Variants in NRXN1 observed in about 807,000 individuals in gnomAD.
The protein encoded by NRXN1 is neurexin-1.
A neutral mutation model predicts 150.9 loss-of-function variants in NRXN1; 39 were observed. The ratio of observed to expected loss-of-function variants is 0.26; its 90% confidence interval spans 0.20 to 0.34. The LOEUF (loss-of-function observed/expected upper bound fraction) is 0.34, where lower values mean the gene tolerates loss of function less well. NRXN1 is among the 10% of genes least tolerant of loss of function. NRXN1 has a pLI of 1.00. For missense variants in NRXN1, 1,815 were observed against 1,949.9 expected (o/e 0.93, Z 1.30); for synonymous variants, 924 against 757.0 (o/e 1.22, Z -3.62).
chr2:49,965,915 A>G (rs1011723600), intron 21 of NRXN1, among the ~76,000 whole-genome samples: 5 of 152,220 alleles, frequency 3.3e-5, no homozygotes, highest in Non-Finnish European at 5.9e-5. Context: ...ATTGATATAA[A>G]GCCTAAAAAT....
chr2:50,098,491 G>A lies in NRXN1; in HGVS notation c.3547-6997C>T, dbSNP rs1700536559. Reference sequence around the variant, plus strand: ...CAACTCCCAGGGACATAGAAGTTATGTTCTGTCTACCTTCTATCTCTCCTT... The same window carrying A: ...CAACTCCCAGGGACATAGAAGTTATATTCTGTCTACCTTCTATCTCTCCTT... On this transcript the variant is annotated intron_variant, in intron 18 of 22. Transcript: ENST00000401669. Among the ~76,000 whole-genome samples, 3 of 152,132 alleles carry A rather than the reference G, an allele frequency of 2.0e-5. No homozygotes were observed. In the South Asian group the frequency reaches 6.2e-4, roughly 31 times the overall value.
chr2:50,345,603 T>C (rs2077890657), intron 17 of NRXN1, among the ~76,000 whole-genome samples: 1 of 152,290 alleles, frequency 6.6e-6, no homozygotes, highest in Non-Finnish European at 1.5e-5. Context: ...CAAAAACAGA[T>C]TGATGTTTTA....
At chr2:49,974,559 T>G (rs1312446767) in intron 21 of NRXN1, among the ~76,000 whole-genome samples, 1 of 152,202 alleles carries the variant, frequency 6.6e-6, no homozygotes, top group Non-Finnish European at 1.5e-5. Context: ...TACCTAATAT[T>G]AAATTAGAAG....
chr2:50,390,173 C>A (rs1358956773), intron 17 of NRXN1, among the ~76,000 whole-genome samples: 2 of 152,084 alleles, frequency 1.3e-5, no homozygotes, highest in African/African-American at 4.8e-5. Flanking sequence ...ATAGAAATTT[C>A]ATGTAAGCTA....
chr2:51,018,773 CTT>C (rs1669131714), intron 2 of NRXN1, among the ~76,000 whole-genome samples: 1 of 152,006 alleles, frequency 6.6e-6, no homozygotes, highest in Non-Finnish European at 1.5e-5. Context: ...GAGATGAAAA[CTT>C]TGTGTTGCTT....
At chr2:50,278,398 C>A (rs1163893195) in intron 17 of NRXN1, among the ~76,000 whole-genome samples, 2 of 146,754 alleles carry the variant, frequency 1.4e-5, no homozygotes, top group African/African-American at 5.1e-5. Flanking sequence ...GTGCTCCGCC[C>A]CCCTTGGCCT....
chr2:50,252,256 T>TTG (rs2067190516), intron 17 of NRXN1, among the ~76,000 whole-genome samples: 1 of 116,362 alleles, frequency 8.6e-6, no homozygotes, highest in Non-Finnish European at 1.7e-5. Context: ...CTTTTTTCTT[T>TTG]TCTTTTTTTT....
intron 21 of NRXN1, among the ~76,000 whole-genome samples, chr2:50,004,152 T>C (rs10185922): frequency 0.37 from 55,496 of 151,904 alleles, 10,608 homozygotes; most frequent in East Asian, 0.48. Context: ...AGTTAGATCA[T>C]AGTGAAAGTC....
At chr2:50,935,693 C>G (rs1558449657) in intron 2 of NRXN1, among the ~76,000 whole-genome samples, 1 of 151,888 alleles carries the variant, frequency 6.6e-6, no homozygotes, top group Non-Finnish European at 1.5e-5. Context: ...CACCACTGCA[C>G]TCCAGCCTAG....
In NRXN1 at chr2:50,400,260, T is replaced by G. The variant is rs1434370405; in HGVS notation, c.3364+65182A>C. 3.3e-5 allele frequency among the ~76,000 whole-genome samples: 5 copies of G among 152,138 alleles called. No individual in the cohort carries two copies. The East Asian group carries it at 9.7e-4, about 29-fold the overall frequency. The stretch of plus-strand genomic sequence containing the variant: ...GACATATTTCCCATATTCCAATATG[T>G]GTAAGATTTTCCACATTACTGAAAT... On this transcript the variant is annotated intron_variant, in intron 17 of 22. Coordinates refer to ENST00000401669, the MANE Select transcript of NRXN1 (RefSeq NM_001330078.2).
rs1307406152 is a variant in NRXN1, at chr2:49,921,216, T to G, written c.*728A>C. ...TATATAAACATATGTAATAACATAA[T>G]AAGCGTGCATGAAAATTTCCCAATG... On this transcript the variant is annotated 3_prime_UTR_variant, in exon 23 of 23. Coordinates refer to ENST00000401669, the MANE Select transcript of NRXN1 (RefSeq NM_001330078.2). 1 of 152,638 alleles carries G rather than the reference T, an allele frequency of 6.6e-6. No individual in the cohort carries two copies. Among genetic ancestry groups the G allele is most frequent in the East Asian group, 1.9e-4 (1 of 5,184 alleles). The allele number at this position is 152,638 out of a possible 1,614,324, so 9.5% of individuals were successfully genotyped here. A position where few individuals can be genotyped will look rare whatever the true frequency, so the allele number is the denominator to read the frequency against.
rs1231443321 is a variant in NRXN1 at position 49,921,042 on chromosome 2, G to A, written c.*902C>T. 1 of 152,412 alleles carries A rather than the reference G, an allele frequency of 6.6e-6. No homozygotes were observed. Among genetic ancestry groups the A allele is most frequent in the Non-Finnish European group, 1.5e-5 (1 of 68,008 alleles). The allele number at this position is 152,412 out of a possible 1,614,324, so 9.4% of individuals were successfully genotyped here. ...ACCCAACTGAAATAATTGTTGCTCT[G>A]ATGTCATAAAACTCCCTATACTTAG... On this transcript the variant is annotated 3_prime_UTR_variant, in exon 23 of 23. Transcript: ENST00000401669.
intron 8 of NRXN1, among the ~76,000 whole-genome samples, chr2:50,604,564 A>T (rs186833375): frequency 9.2e-5 from 14 of 152,146 alleles, no homozygotes; most frequent in African/African-American, 3.1e-4. Flanking sequence ...ATTATTTTAC[A>T]CCTGCACCTT....
intron 5 of NRXN1, among the ~76,000 whole-genome samples, chr2:50,811,465 C>T (rs1226047134): frequency 1.3e-5 from 2 of 152,126 alleles, no homozygotes; most frequent in East Asian, 3.9e-4. Flanking sequence ...AAATGTTCAC[C>T]TCACATTTTT....
chr2:50,328,376 T>G (rs969911483), intron 17 of NRXN1, among the ~76,000 whole-genome samples: 1 of 152,096 alleles, frequency 6.6e-6, no homozygotes, highest in Non-Finnish European at 1.5e-5. Context: ...ACAGAAGAGA[T>G]GAATGACTTA....
At chr2:50,844,974 C>G (rs531434772) in intron 5 of NRXN1, among the ~76,000 whole-genome samples, 1 of 152,082 alleles carries the variant, frequency 6.6e-6, no homozygotes, top group African/African-American at 2.4e-5. Context: ...CCACCTCAGC[C>G]TCTCAAGTAG....
intron 2 of NRXN1, among the ~76,000 whole-genome samples, chr2:50,998,581 T>A (rs1699624726): frequency 6.6e-6 from 1 of 152,072 alleles, no homozygotes; most frequent in Non-Finnish European, 1.5e-5. Flanking sequence ...GAAATCCTAT[T>A]AAGCATATGA....
chr2:50,766,732 C>T (rs929419793), intron 5 of NRXN1, among the ~76,000 whole-genome samples: 1 of 151,950 alleles, frequency 6.6e-6, no homozygotes, highest in Non-Finnish European at 1.5e-5. Context: ...ATAAACTCCA[C>T]AAAGTCTGGC....
intron 18 of NRXN1, among the ~76,000 whole-genome samples, chr2:50,204,466 C>A (rs986686998): frequency 6.6e-6 from 1 of 151,808 alleles, no homozygotes; most frequent in Admixed American, 6.6e-5. Flanking sequence ...TCAGTTTTAG[C>A]CTTCCAAGTT....
Sources: gnomAD v4.1 joint callset for allele counts (sites outside exome capture counted in the v4.1 genomes callset) on GRCh38, gnomAD v4.1.1 for gene constraint, MANE v1.5 for transcripts, NCBI Gene and HGNC (gene_info 2026-07-23, HGNC 2026-07-21) for gene names.